CCDC33: variants seen among roughly 807,000 people sequenced by gnomAD.
CCDC33 encodes coiled-coil domain containing 33, also known as coiled-coil domain-containing protein 33.
CCDC33 carries 94 observed loss-of-function variants against 91.9 expected under a neutral mutation model. The observed-to-expected ratio is 1.02, with a 90% CI of 0.87 to 1.21. The LOEUF is 1.21. CCDC33 is among the 50% of genes most tolerant of loss of function. The pLI, the probability that CCDC33 is intolerant of heterozygous loss-of-function variation, is 0.00. For synonymous variants in CCDC33, 396 were observed against 374.5 expected (o/e 1.06, Z -0.66); for missense variants, 940 against 935.5 (o/e 1.00, Z -0.06).
chr15:74,211,139 C>T (rs1424108930), intron 2 of CCDC33, among the ~76,000 whole-genome samples: 2 of 106,516 alleles, frequency 1.9e-5, no homozygotes, highest in African/African-American at 3.4e-5. Context: ...CCCCCCACCA[C>T]TACGCACGCA....
intron 1 of CCDC33, among the ~76,000 whole-genome samples, chr15:74,208,218 C>T (rs1372099036): frequency 6.6e-6 from 1 of 152,092 alleles, no homozygotes; most frequent in Non-Finnish European, 1.5e-5. Flanking sequence ...CAAAGGTAGC[C>T]TTCTAGAGTA....
At chr15:74,310,416 A>G (rs756157344) in intron 11 of CCDC33, among the ~76,000 whole-genome samples, 2 of 152,114 alleles carry the variant, frequency 1.3e-5, no homozygotes, top group Non-Finnish European at 2.9e-5. Context: ...GCATGCCTGT[A>G]ATCCCAGCTA....
At position 74,223,034 on chromosome 15, in the gene CCDC33, A is replaced by G. The variant is rs527803165; in HGVS notation, c.675+4173A>G. Reference sequence around the variant, plus strand: ...AAGCAGGGAGAGGCACATGATGTGGATTTCATTAACTTTACTCTTTACTGC... The same window carrying G: ...AAGCAGGGAGAGGCACATGATGTGGGTTTCATTAACTTTACTCTTTACTGC... On this transcript the variant is annotated intron_variant, in intron 2 of 2. Coordinates refer to the CCDC33 transcript ENST00000635913. 9.7e-4 allele frequency among the ~76,000 whole-genome samples: 147 copies of G among 151,862 alleles called. 1 individual carries two copies. Among genetic ancestry groups the G allele is most frequent in the African/African-American group, 3.4e-3 (142 of 41,390 alleles).
upstream of CCDC33, among the ~76,000 whole-genome samples, chr15:74,235,500 A>T (rs2075123902): frequency 6.6e-6 from 1 of 152,082 alleles, no homozygotes; most frequent in Non-Finnish European, 1.5e-5. Flanking sequence ...CCCCCCAAAC[A>T]CTTCTGAACA....
At chr15:74,213,315 G>A (rs1317147079), upstream of CCDC33, 3 of 152,262 alleles carry the variant, frequency 2.0e-5, no homozygotes, top group South Asian at 2.1e-4. Context: ...ACACCCAGAA[G>A]GAAGAAATGC....
At chr15:74,330,637 A>T in intron 12 of CCDC33, 26 bp from the exon 13 acceptor site, 1 of 1,587,946 alleles carries the variant, frequency 6.3e-7, no homozygotes, top group East Asian at 2.2e-5. Flanking sequence ...TTCCTCCCTG[A>T]GCCAGCTCCC....
intron 11 of CCDC33, among the ~76,000 whole-genome samples, chr15:74,306,082 G>A (rs1195339953): frequency 4.6e-5 from 7 of 152,122 alleles, no homozygotes; most frequent in South Asian, 2.1e-4. Flanking sequence ...GGGGGATGAC[G>A]GAAGGCAGCA....
chr15:74,207,932 AC>A lies in CCDC33; in HGVS notation n.90-1455del, dbSNP rs2074299127. The A allele has an allele frequency of 2.8e-6, 4 of 1,451,704 alleles. No homozygotes were observed. The African/African-American group carries it at 4.2e-5, about 15-fold the overall frequency. The allele number at this position is 1,451,704 out of a possible 1,614,324, so 89.9% of individuals were successfully genotyped here. A position where few individuals can be genotyped will look rare whatever the true frequency, so the allele number is the denominator to read the frequency against. ...GCTCACGGCAGGAAGAGTATGGGTGACTCTCCACCTCCTGTCTCTCTACCTC... is the reference window on the plus strand; with the variant it reads ...GCTCACGGCAGGAAGAGTATGGGTGATCTCCACCTCCTGTCTCTCTACCTC... On this transcript the variant is annotated intron_variant and non_coding_transcript_variant, in intron 1 of 3. Coordinates refer to the CCDC33 transcript ENST00000558645.
At chr15:74,271,925 G>C in intron 6 of CCDC33, 131 bp downstream of exon 6, 1 of 695,130 alleles carries the variant, frequency 1.4e-6, no homozygotes, top group Non-Finnish European at 2.5e-6. Context: ...GGCCCTTCAA[G>C]CCTCTCCATT....
intron 11 of CCDC33, among the ~76,000 whole-genome samples, chr15:74,313,322 C>T (rs2060026453): frequency 6.6e-6 from 1 of 152,012 alleles, no homozygotes; most frequent in Non-Finnish European, 1.5e-5. Context: ...GGGCAGCCAA[C>T]ATCCCAGCCT....
intron 8 of CCDC33, 45 bp downstream of exon 8, chr15:74,280,137 G>T: frequency 6.2e-7 from 1 of 1,609,768 alleles, no homozygotes; most frequent in South Asian, 1.1e-5. Flanking sequence ...TGCCTCAGGA[G>T]ATCTGTATTA....
intron 7 of CCDC33, among the ~76,000 whole-genome samples, chr15:74,276,289 G>A (rs559908403): frequency 5.3e-5 from 8 of 152,306 alleles, no homozygotes; most frequent in Admixed American, 1.3e-4. Flanking sequence ...ATGGCCTGTC[G>A]GACTTCACCT....
At chr15:74,237,229 G>C (rs919899277) in intron 1 of CCDC33, among the ~76,000 whole-genome samples, 1 of 152,238 alleles carries the variant, frequency 6.6e-6, no homozygotes, top group African/African-American at 2.4e-5. Flanking sequence ...GTGTTTTGTT[G>C]ATCACCGTAT....
chr15:74,307,396 A>G (rs2059910979), intron 11 of CCDC33, among the ~76,000 whole-genome samples: 1 of 152,208 alleles, frequency 6.6e-6, no homozygotes. Flanking sequence ...CAGACTGAAA[A>G]GGAACATACA....
At chr15:74,261,822 C>G (rs565006154) in intron 2 of CCDC33, among the ~76,000 whole-genome samples, 8 of 152,350 alleles carry the variant, frequency 5.3e-5, no homozygotes, top group African/African-American at 1.9e-4. Flanking sequence ...CCACCACCCC[C>G]TGCCCCCAGG....
chr15:74,272,869 T>C lies in CCDC33; in HGVS notation c.737T>C (p.Val246Ala). ...ATGATGAACTTTGACGTGCCTCGCG[T>C]CAGCCAGAACGGATGCCCTCAGGTA... ...PSMMNFDVPRVSQNGCPQLSK... is the reference protein window; with the variant it reads ...PSMMNFDVPRASQNGCPQLSK... The change falls in exon 7 of 19, where the codon GTC (valine) becomes GCC (alanine). Residue 246 changes from valine (V) to alanine (A), a missense_variant. Coordinates refer to ENST00000398814, the MANE Select transcript of CCDC33 (RefSeq NM_025055.5). 2.5e-6 allele frequency: 4 copies of C among 1,614,236 alleles called. No individual in the cohort carries two copies. Among genetic ancestry groups the C allele is most frequent in the Non-Finnish European group, 3.4e-6 (4 of 1,180,034 alleles).
intron 2 of CCDC33, among the ~76,000 whole-genome samples, chr15:74,222,421 C>G (rs1323265071): frequency 6.6e-6 from 1 of 152,164 alleles, no homozygotes; most frequent in Non-Finnish European, 1.5e-5. Context: ...TCCTCCCTCC[C>G]CCAGCATTTA....
In CCDC33 at chr15:74,266,744, A is replaced by G. The variant is rs2076175785; in HGVS notation, c.386A>G (p.Lys129Arg). 1.2e-6 allele frequency: 2 copies of G among 1,614,238 alleles called. No homozygotes were observed. The highest frequency in any genetic ancestry group is 1.1e-5 in the South Asian group (1 of 91,080). ...TTGTTGTCCTACAAAATCCCCATCAAGTACCTGCGTGTCTTCCACCCCTAC... is the reference window on the plus strand; with the variant it reads ...TTGTTGTCCTACAAAATCCCCATCAGGTACCTGCGTGTCTTCCACCCCTAC... ...QELLSYKIPI[K>R]YLRVFHPYHF... Residue 129 changes from lysine (K) to arginine (R), a missense_variant, in exon 4 of 19, where the codon AAG (lysine) becomes AGG (arginine). Transcript: ENST00000398814.
Position 74,280,681 on chromosome 15 carries a change from G to A in CCDC33, c.903G>A (p.Gln301=). 6.6e-7 allele frequency: 1 copy of A among 1,510,168 alleles called. No individual in the cohort carries two copies. Among genetic ancestry groups the A allele is most frequent in the South Asian group, 1.3e-5 (1 of 75,500 alleles). 93.5% of individuals were successfully genotyped at this position (1,510,168 alleles called of 1,614,324 possible). ...CTTCCCCCACAGTGAAAGGCAGCCA[G>A]CCGTGGACCCTCAACCAGCCCCTGG... The part of the protein sequence containing the change: ...YYSSTSMKGS[Q]PWTLNQPLGI... The change falls in exon 9 of 19, where the codon CAG becomes CAA. Residue 301 remains glutamine, a synonymous_variant. Coordinates refer to ENST00000398814, the MANE Select transcript of CCDC33 (RefSeq NM_025055.5).
Sources: gnomAD v4.1 joint callset for allele counts (sites outside exome capture counted in the v4.1 genomes callset) on GRCh38, gnomAD v4.1.1 for gene constraint, MANE v1.5 for transcripts, NCBI Gene and HGNC (gene_info 2026-07-23, HGNC 2026-07-21) for gene names.